The following VPS50 variants were observed in gnomAD, a reference collection of about 807,000 sequenced individuals.
VPS50 encodes the protein syndetin.
Under a neutral mutation model 139.7 loss-of-function variants are expected in VPS50, and 70 were observed. That is an observed-to-expected ratio of 0.50 (90% CI 0.41 to 0.61). The LOEUF (loss-of-function observed/expected upper bound fraction) is 0.61. Ranked by LOEUF, VPS50 falls within the 20% of genes least tolerant of loss-of-function variation. The pLI, the probability that VPS50 is intolerant of heterozygous loss-of-function variation, is 0.00. For missense variants in VPS50, 921 were observed against 1,133.7 expected (o/e 0.81, Z 2.69); for synonymous variants, 365 against 376.7 (o/e 0.97, Z 0.36).
Position 93,360,296 on chromosome 7 carries a change from T to C in VPS50, c.*1860T>C, listed in dbSNP as rs543392571. ...GGAATTGATACAAAAGAATTACTTA[T>C]CTTGTTAGAGACTCGACCATGCAAT... is the stretch of plus-strand genomic sequence containing the variant. On this transcript the variant is annotated 3_prime_UTR_variant, in exon 28 of 28. Transcript: ENST00000305866. 2 of 152,218 alleles carry C rather than the reference T, an allele frequency of 1.3e-5. No homozygotes were observed. The highest frequency in any genetic ancestry group is 3.9e-4 in the East Asian group (2 of 5,180). The allele number at this position is 152,218 out of a possible 1,614,324, so 9.4% of individuals were successfully genotyped here.
Position 93,259,688 on chromosome 7 carries a change from G to A in VPS50, c.659+56G>A, listed in dbSNP as rs936197006. The A allele has an allele frequency of 4.5e-6, 4 of 884,560 alleles. No individual in the cohort carries two copies. In the African/African-American group the frequency reaches 5.0e-5, roughly 11 times the overall value. The allele number at this position is 884,560 out of a possible 1,614,324, so 54.8% of individuals were successfully genotyped here. ...TCTGTTGTCAGCTTCTTATGTAGCAGCTGTGTAAAAATGTTAATAAACATT... is the reference window on the plus strand; with the variant it reads ...TCTGTTGTCAGCTTCTTATGTAGCAACTGTGTAAAAATGTTAATAAACATT... On this transcript the variant is annotated intron_variant, in intron 9 of 27. Transcript: ENST00000305866.
intron 16 of VPS50, 39 bp from the exon 17 acceptor site, chr7:93,303,421 T>C: frequency 1.1e-6 from 1 of 886,070 alleles, no homozygotes; most frequent in Non-Finnish European, 1.8e-6. Flanking sequence ...GGTGTACTTT[T>C]CTTCTCACTT....
At chr7:93,240,103 C>T (rs769881076) in intron 2 of VPS50, among the ~76,000 whole-genome samples, 169 bp downstream of exon 2, 5 of 151,920 alleles carry the variant, frequency 3.3e-5, no homozygotes, top group African/African-American at 7.2e-5. Flanking sequence ...TTTCATTACA[C>T]GTTGGGATGC....
chr7:93,275,073 T>C (rs1796113791), intron 11 of VPS50, among the ~76,000 whole-genome samples: 1 of 152,188 alleles, frequency 6.6e-6, no homozygotes, highest in African/African-American at 2.4e-5. Flanking sequence ...CCTGAAGATG[T>C]GACTGAATTG....
intron 9 of VPS50, among the ~76,000 whole-genome samples, chr7:93,266,472 C>T (rs767350515): frequency 2.0e-5 from 3 of 152,174 alleles, no homozygotes; most frequent in Non-Finnish European, 4.4e-5. Flanking sequence ...TATTTCTATG[C>T]AACCTTTCTA....
chr7:93,243,315 A>G (rs1341124085), intron 2 of VPS50, among the ~76,000 whole-genome samples: 8 of 152,100 alleles, frequency 5.3e-5, no homozygotes, highest in South Asian at 2.1e-4. Flanking sequence ...TTTAGAATCA[A>G]CAGTCCCCAG....
intron 9 of VPS50, among the ~76,000 whole-genome samples, chr7:93,266,520 G>C (rs1032483256): frequency 1.3e-5 from 2 of 152,146 alleles, no homozygotes; most frequent in African/African-American, 4.8e-5. Context: ...TCCTAGATTA[G>C]TTGTTTAAAG....
chr7:93,267,750 A>G (rs943285922), intron 9 of VPS50, among the ~76,000 whole-genome samples: 5 of 152,226 alleles, frequency 3.3e-5, no homozygotes, highest in Non-Finnish European at 5.9e-5. Context: ...AAAGGAAGAA[A>G]GGATATTCAA....
At chr7:93,342,955 C>T (rs947316355) in intron 23 of VPS50, among the ~76,000 whole-genome samples, 9 of 152,240 alleles carry the variant, frequency 5.9e-5, no homozygotes, top group African/African-American at 1.9e-4. Flanking sequence ...CACAGTTCCT[C>T]ACCAGCAACG....
chr7:93,354,975 G>T (rs1026007799), intron 26 of VPS50, among the ~76,000 whole-genome samples: 1 of 152,080 alleles, frequency 6.6e-6, no homozygotes, highest in African/African-American at 2.4e-5. Context: ...GACAACAGTC[G>T]TGGCACTCTG....
chr7:93,340,520 C>T (rs1381163869), intron 22 of VPS50: 1 of 152,058 alleles, frequency 6.6e-6, no homozygotes. Context: ...AAAAATGAGT[C>T]CCTTGCTATG....
intron 22 of VPS50, among the ~76,000 whole-genome samples, chr7:93,339,929 A>T (rs559911140): frequency 2.0e-4 from 30 of 152,226 alleles, no homozygotes; most frequent in Non-Finnish European, 3.5e-4. Flanking sequence ...GGAATTTTTT[A>T]AAAAATGTAA....
intron 16 of VPS50, among the ~76,000 whole-genome samples, chr7:93,300,963 A>C (rs1796957496): frequency 6.6e-6 from 1 of 152,158 alleles, no homozygotes; most frequent in South Asian, 2.1e-4. Flanking sequence ...ATGGAAAAAC[A>C]GTTCTATCAA....
In VPS50 at chr7:93,253,775, G is replaced by T. The variant is rs1256397740; in HGVS notation, c.226-85G>T. 6 of 725,836 alleles carry T rather than the reference G, an allele frequency of 8.3e-6. No individual in the cohort carries two copies. In the Admixed American group the frequency reaches 9.3e-5, roughly 11 times the overall value. 45.0% of individuals were successfully genotyped at this position (725,836 alleles called of 1,614,324 possible). A position where few individuals can be genotyped will look rare whatever the true frequency, so the allele number is the denominator to read the frequency against. The stretch of plus-strand genomic sequence containing the variant: ...CACTGTTTTGTATGCACAGTTTGTA[G>T]TTCACTAGTCAGAAGGGTCCAGGTA... On this transcript the variant is annotated intron_variant, in intron 3 of 27. Transcript: ENST00000305866.
intron 11 of VPS50, among the ~76,000 whole-genome samples, chr7:93,274,800 C>T (rs1325772461): frequency 2.0e-5 from 3 of 152,054 alleles, no homozygotes; most frequent in Admixed American, 2.0e-4. Flanking sequence ...TCTGGATTTA[C>T]CATATGCCAT....
intron 22 of VPS50, among the ~76,000 whole-genome samples, chr7:93,338,058 G>C (rs1485715059): frequency 3.3e-5 from 5 of 151,960 alleles, no homozygotes; most frequent in African/African-American, 1.2e-4. Context: ...TCATGTTTCA[G>C]AGTTTTAGGT....
chr7:93,331,700 C>T (rs1332796411), intron 21 of VPS50, among the ~76,000 whole-genome samples: 1 of 152,010 alleles, frequency 6.6e-6, no homozygotes, highest in Non-Finnish European at 1.5e-5. Flanking sequence ...TGAAAAGACA[C>T]AAAAAGCATG....
At chr7:93,243,607 A>C (rs1019273641) in intron 2 of VPS50, among the ~76,000 whole-genome samples, 2 of 152,008 alleles carry the variant, frequency 1.3e-5, no homozygotes, top group Non-Finnish European at 2.9e-5. Context: ...TTTCATGCAG[A>C]GTTAAAGATA....
At chr7:93,265,541 T>G (rs932266644) in intron 9 of VPS50, among the ~76,000 whole-genome samples, 6 of 152,136 alleles carry the variant, frequency 3.9e-5, no homozygotes, top group African/African-American at 1.2e-4. Context: ...CTGAGCTTTG[T>G]GGTGATAGAT....
Sources: allele counts gnomAD v4.1 joint callset (sites outside exome capture counted in the v4.1 genomes callset), GRCh38; gene constraint gnomAD v4.1.1; transcripts MANE v1.5; gene names NCBI Gene and HGNC (gene_info 2026-07-23, HGNC 2026-07-21).